NTRK3: variants seen among roughly 807,000 people sequenced by gnomAD.
NTRK3 encodes the protein neurotrophic receptor tyrosine kinase 3.
A neutral mutation model predicts 91.7 loss-of-function variants in NTRK3; 24 were observed. The observed-to-expected ratio is 0.26, with a 90% CI of 0.19 to 0.37. NTRK3 has a LOEUF of 0.37. NTRK3 is among the 10% of genes least tolerant of loss of function. The pLI, the probability that NTRK3 is intolerant of heterozygous loss-of-function variation, is 1.00. For missense variants in NTRK3, 880 were observed against 1,068.9 expected, an observed-to-expected ratio of 0.82 and a Z score of 2.46; for synonymous variants, 483 against 404.0, an observed-to-expected ratio of 1.20 and a Z score of -2.34.
intron 14 of NTRK3, among the ~76,000 whole-genome samples, chr15:87,983,431 C>G (rs569945795): frequency 3.7e-4 from 56 of 152,214 alleles, no homozygotes; most frequent in African/African-American, 1.3e-3. Context: ...CAGGGAGCCC[C>G]GAGCAATACC....
intron 14 of NTRK3, among the ~76,000 whole-genome samples, chr15:88,017,362 C>G (rs944639547): frequency 6.6e-6 from 1 of 152,206 alleles, no homozygotes; most frequent in South Asian, 2.1e-4. Context: ...AAGACGGCAC[C>G]AGAATATGCC....
At chr15:88,024,619 G>T (rs2077871426) in intron 14 of NTRK3, among the ~76,000 whole-genome samples, 2 of 152,196 alleles carry the variant, frequency 1.3e-5, no homozygotes, top group South Asian at 4.1e-4. Context: ...ATGGGAAGGG[G>T]TGACCAGCCA....
chr15:87,941,275 T>C (rs192050498), intron 14 of NTRK3, among the ~76,000 whole-genome samples: 1 of 152,164 alleles, frequency 6.6e-6, no homozygotes, highest in South Asian at 2.1e-4. Flanking sequence ...CCATTACTAG[T>C]TTTTTGAGCT....
Position 87,876,832 on chromosome 15 carries a change from T to C in NTRK3, c.*103A>G, listed in dbSNP as rs1441959066. 7.7e-6 allele frequency: 10 copies of C among 1,305,682 alleles called. No individual in the cohort carries two copies. The Admixed American group carries it at 1.5e-4, about 20-fold the overall frequency. 80.9% of individuals were successfully genotyped at this position (1,305,682 alleles called of 1,614,324 possible). On this transcript the variant is annotated 3_prime_UTR_variant, in exon 19 of 19. Coordinates refer to ENST00000394480, the Ensembl canonical transcript of NTRK3. ...GCAGGCACTTGAGTTTATATGAAGA[T>C]GTTCGCTTCAGTCAAGGATGGAAGG... is the stretch of plus-strand genomic sequence containing the variant.
chr15:88,127,809 A>T (rs745728749), intron 11 of NTRK3, among the ~76,000 whole-genome samples: 1 of 152,104 alleles, frequency 6.6e-6, no homozygotes, highest in Non-Finnish European at 1.5e-5. Flanking sequence ...AAAAAATAGA[A>T]CCATCTGACC....
intron 3 of NTRK3, among the ~76,000 whole-genome samples, chr15:88,195,458 C>A (rs1163216055): frequency 6.6e-6 from 1 of 152,180 alleles, no homozygotes; most frequent in African/African-American, 2.4e-5. Flanking sequence ...GACCTCTCAA[C>A]AAGTCATGAA....
chr15:88,107,958 C>T (rs915826280), intron 13 of NTRK3, among the ~76,000 whole-genome samples: 12 of 151,896 alleles, frequency 7.9e-5, no homozygotes, highest in African/African-American at 2.9e-4. Context: ...GGAGAGCAAG[C>T]GACATCCTAG....
chr15:88,201,148 C>A (rs1440690369), intron 3 of NTRK3, among the ~76,000 whole-genome samples: 1 of 152,178 alleles, frequency 6.6e-6, no homozygotes. Flanking sequence ...CAGACCAGTC[C>A]CAATCAGATT....
At chr15:88,220,370 C>A (rs2050139064) in intron 3 of NTRK3, among the ~76,000 whole-genome samples, 1 of 152,154 alleles carries the variant, frequency 6.6e-6, no homozygotes. Flanking sequence ...CAAAGGCCAC[C>A]AAGACAGAGA....
intron 3 of NTRK3, among the ~76,000 whole-genome samples, chr15:88,245,500 A>T (rs983796836): frequency 2.0e-5 from 3 of 152,206 alleles, no homozygotes; most frequent in Admixed American, 6.5e-5. Context: ...AGACAAAGGG[A>T]CCATGAAAAG....
chr15:88,243,469 A>T lies in NTRK3; in HGVS notation c.248+12437T>A, dbSNP rs2052548986. 1.3e-5 allele frequency among the ~76,000 whole-genome samples: 2 copies of T among 151,876 alleles called. No homozygotes were observed. The highest frequency in any genetic ancestry group is 4.2e-4 in the South Asian group (2 of 4,812). Reference sequence around the variant, plus strand: ...GAGAGGAGGCTGGAGTTTCTTCACCAGTAAAGCCCAAAGCTTAGCAGTGAC... The same window carrying T: ...GAGAGGAGGCTGGAGTTTCTTCACCTGTAAAGCCCAAAGCTTAGCAGTGAC... On this transcript the variant is annotated intron_variant, in intron 3 of 18. Transcript: ENST00000394480. The surrounding 1 kb of genome is among the most constrained non-coding windows in gnomAD (Gnocchi z 4.8).
intron 14 of NTRK3, among the ~76,000 whole-genome samples, chr15:88,016,598 A>T (rs2077247771): frequency 6.6e-6 from 1 of 152,212 alleles, no homozygotes; most frequent in African/African-American, 2.4e-5. Flanking sequence ...GGGGCCTCTC[A>T]TTCAATGCCT....
chr15:88,210,644 C>G (rs2049160741), intron 3 of NTRK3, among the ~76,000 whole-genome samples: 1 of 152,166 alleles, frequency 6.6e-6, no homozygotes, highest in South Asian at 2.1e-4. Flanking sequence ...GAGCAACTTG[C>G]CCCTGGTTTT....
chr15:88,256,566 C>A, intron 1 of NTRK3, 78 bp downstream of exon 1: 2 of 499,740 alleles, frequency 4.0e-6, no homozygotes, highest in Non-Finnish European at 3.4e-6. Context: ...TCACCAAGTC[C>A]CACCTACTGG....
chr15:88,041,442 G>A (rs967273526), intron 13 of NTRK3, among the ~76,000 whole-genome samples: 30 of 152,184 alleles, frequency 2.0e-4, no homozygotes, highest in Non-Finnish European at 2.9e-5. Context: ...GGACCACCTT[G>A]AAGTTAAACA....
chr15:88,141,464 G>A (rs1327335895), intron 6 of NTRK3, among the ~76,000 whole-genome samples: 1 of 152,230 alleles, frequency 6.6e-6, no homozygotes, highest in Non-Finnish European at 1.5e-5. Flanking sequence ...GCTGCAAGGA[G>A]AGGCCTGGCC....
Position 88,237,822 on chromosome 15 carries a change from A to T in NTRK3, c.248+18084T>A, listed in dbSNP as rs2051938272. The stretch of plus-strand genomic sequence containing the variant: ...CTTCCACAGAATTCTGCACTCAGAA[A>T]ATCTAAAAATGGTGCTTTAAATTTC... On this transcript the variant is annotated intron_variant, in intron 3 of 18. Coordinates refer to ENST00000394480, the Ensembl canonical transcript of NTRK3. This position sits in a 1 kb window ranked among gnomAD's most constrained non-coding sequence, Gnocchi z 4.0. Among the ~76,000 whole-genome samples the T allele has an allele frequency of 1.3e-5, 2 of 152,232 alleles. No homozygotes were observed. Among genetic ancestry groups the T allele is most frequent in the African/African-American group, 4.8e-5 (2 of 41,460 alleles).
chr15:88,130,832 A>C (rs552597098), intron 10 of NTRK3, among the ~76,000 whole-genome samples: 2 of 152,216 alleles, frequency 1.3e-5, no homozygotes, highest in Non-Finnish European at 2.9e-5. Context: ...ACAAGGAAAA[A>C]GCATCAATGG....
intron 3 of NTRK3, among the ~76,000 whole-genome samples, chr15:88,221,012 C>T (rs1395867810): frequency 6.6e-6 from 1 of 152,204 alleles, no homozygotes; most frequent in African/African-American, 2.4e-5. Context: ...TTTTAACAAA[C>T]TCTCCTGGGG....
Sources: gnomAD v4.1 joint callset for allele counts (sites outside exome capture counted in the v4.1 genomes callset) on GRCh38, gnomAD v4.1.1 for gene constraint, Gnocchi (gnomAD v3.1) non-coding constraint, MANE v1.5 for transcripts, NCBI Gene and HGNC (gene_info 2026-07-23, HGNC 2026-07-21) for gene names.